The following ZNF747 variants were observed in gnomAD, a reference collection of about 807,000 sequenced individuals.
ZNF747 encodes KRAB domain-containing protein ZNF747.
In ZNF747, 14 loss-of-function variants were observed where a neutral mutation model predicts 13.4. That is an observed-to-expected ratio of 1.04 (90% CI 0.69 to 1.63). ZNF747 has a LOEUF of 1.63. ZNF747 is among the 40% of genes most tolerant of loss of function. The pLI, the probability that ZNF747 is intolerant of heterozygous loss-of-function variation, is 0.00. For missense variants in ZNF747, 532 were observed against 477.9 expected, an observed-to-expected ratio of 1.11 and a Z score of -1.05; for synonymous variants, 212 against 206.5, an observed-to-expected ratio of 1.03 and a Z score of -0.23.
At position 30,532,709 on chromosome 16, in the gene ZNF747, G is replaced by T. The variant is rs1445560189; in HGVS notation, c.786C>A (p.Gly262=). The change falls in exon 3 of 3, where the codon GGC becomes GGA. Residue 262 remains glycine (G), a synonymous_variant. Transcript: ENST00000693075. ...ALTSHLRVHT[G]EKPYRCPQCG... is the part of the protein sequence containing the mutation. ...ACTGCGGGCAGCGGTAGGGCTTCTC[G>T]CCAGTGTGAACGCGCAGGTGAGAAG... 2.6e-6 allele frequency: 4 copies of T among 1,539,172 alleles called. No individual in the cohort carries two copies. Among genetic ancestry groups the T allele is most frequent in the Middle Eastern group, 1.7e-4 (1 of 5,826 alleles).
Position 30,531,616 on chromosome 16 carries a change from C to G in ZNF747, c.*883G>C, listed in dbSNP as rs923937471. ...CAGCCTGATCAACATAGTGGGAACC[C>G]CATCTCTGCAAAAAAATTTAAAAAT... On this transcript the variant is annotated 3_prime_UTR_variant, in exon 3 of 3. Coordinates refer to ENST00000693075, the MANE Select transcript of ZNF747 (RefSeq NM_001305018.2). 1 of 151,734 alleles carries G rather than the reference C, an allele frequency of 6.6e-6. No individual in the cohort carries two copies. Among genetic ancestry groups the G allele is most frequent in the African/African-American group, 2.4e-5 (1 of 41,282 alleles). 9.4% of individuals were successfully genotyped at this position (151,734 alleles called of 1,614,324 possible).
chr16:30,534,292 G>A lies in ZNF747; in HGVS notation c.248C>T (p.Pro83Leu), dbSNP rs2051422388. The change falls in exon 2 of 3, where the codon CCG becomes CTG. Residue 83 changes from proline to leucine, a missense_variant. Coordinates refer to ENST00000693075, the MANE Select transcript of ZNF747 (RefSeq NM_001305018.2). ...CTCCTCCACCCAGGAGATGAGCGCCGGCTTGCTGCCTCCGACTCCTGGGGG... is the reference window on the plus strand; with the variant it reads ...CTCCTCCACCCAGGAGATGAGCGCCAGCTTGCTGCCTCCGACTCCTGGGGG... ...LGALGVGGSKPALISWVEEKA... is the reference protein window; with the variant it reads ...LGALGVGGSKLALISWVEEKA... The A allele has an allele frequency of 1.3e-6, 2 of 1,582,662 alleles. No homozygotes were observed. Among genetic ancestry groups the A allele is most frequent in the Non-Finnish European group, 1.7e-6 (2 of 1,165,086 alleles).
chr16:30,533,012 G>A lies in ZNF747; in HGVS notation c.483C>T (p.Ala161=). ...AAAAGCGGGGGCGACTCCGGCGCCG[G>A]GCCTTGGACAGCTGCTCCAACCCGG... ...PFAGLEQLSK[A]RRRSRPRFFA... The change falls in exon 3 of 3, where the codon GCC becomes GCT. Residue 161 remains alanine (A), a synonymous_variant. Transcript: ENST00000693075. 1.2e-6 allele frequency: 2 copies of A among 1,611,512 alleles called. No individual in the cohort carries two copies. The highest frequency in any genetic ancestry group is 1.1e-5 in the South Asian group (1 of 91,030).
At position 30,533,031 on chromosome 16, in the gene ZNF747, A is replaced by C. The variant is rs996788756; in HGVS notation, c.464T>G (p.Leu155Trp). The change falls in exon 3 of 3, where the codon TTG (leucine) becomes TGG (tryptophan). Residue 155 changes from leucine (L) to tryptophan (W), a missense_variant. By Grantham distance (61) the Leu-to-Trp change is moderately conservative. Transcript: ENST00000693075. ...LKAPQAPFAG[L>W]EQLSKARRRS... ...GCGCCGGGCCTTGGACAGCTGCTCC[A>C]ACCCGGCAAAGGGGGCTTGGGGAGC... The C allele has an allele frequency of 3.1e-6, 5 of 1,612,448 alleles. No homozygotes were observed. Among genetic ancestry groups the C allele is most frequent in the South Asian group, 1.1e-5 (1 of 91,048 alleles).
rs200157373 is a variant in ZNF747 at position 30,534,574 on chromosome 16, C to T, written c.106G>A (p.Ala36Thr). 148 of 1,604,480 alleles carry T rather than the reference C, an allele frequency of 9.2e-5. No homozygotes were observed. In the Middle Eastern group the frequency reaches 2.5e-3, roughly 27 times the overall value. Residue 36 changes from alanine to threonine, a missense_variant, in exon 1 of 3, where the codon GCC becomes ACC. Coordinates refer to ENST00000693075, the MANE Select transcript of ZNF747 (RefSeq NM_001305018.2). Reference protein sequence around the residue: ...GAGSEWRKPGAVSFADVAVYF... With the variant: ...GAGSEWRKPGTVSFADVAVYF... ...ACGGCCACGTCGGCGAAGCTCACGG[C>T]CCCGGGCTTTCTCCACTCGGATCCC...
intron 2 of ZNF747, 137 bp downstream of exon 2, chr16:30,534,060 G>A (rs1430655981): frequency 1.5e-5 from 19 of 1,286,346 alleles, no homozygotes; most frequent in Non-Finnish European, 1.9e-5. Flanking sequence ...AGCCAGGCAG[G>A]GGCTCAGCCT....
intron 2 of ZNF747, among the ~76,000 whole-genome samples, 170 bp downstream of exon 2, chr16:30,534,027 C>T (rs1425424038): frequency 1.3e-5 from 2 of 152,230 alleles, no homozygotes; most frequent in Non-Finnish European, 2.9e-5. Context: ...CCCATCACAG[C>T]CCCTTTCTAG....
In ZNF747 at chr16:30,534,666, G is replaced by A. The variant is rs777764388; in HGVS notation, c.14C>T (p.Ser5Leu). 7.7e-6 allele frequency: 12 copies of A among 1,548,634 alleles called. No homozygotes were observed. Among genetic ancestry groups the A allele is most frequent in the Non-Finnish European group, 1.7e-6 (2 of 1,152,690 alleles). Residue 5 changes from serine to leucine, a missense_variant, in exon 1 of 3, where the codon TCG (serine) becomes TTG (leucine). Ser to Leu is a moderately radical substitution (Grantham distance 145). Coordinates refer to ENST00000693075, the MANE Select transcript of ZNF747 (RefSeq NM_001305018.2). ...CGCCATGGGGACTGTCAGCCCCAGC[G>A]ACGGATCGGTCATCTCCCCTGGCCA... Reference protein sequence around the residue: MTDPSLGLTVPMAPP... With the variant: MTDPLLGLTVPMAPP...
chr16:30,534,761 G>A lies in ZNF747; in HGVS notation c.-82C>T. 5 of 1,446,638 alleles carry A rather than the reference G, an allele frequency of 3.5e-6. No homozygotes were observed. Among genetic ancestry groups the A allele is most frequent in the Non-Finnish European group, 4.5e-6 (5 of 1,104,164 alleles). 89.6% of individuals were successfully genotyped at this position (1,446,638 alleles called of 1,614,324 possible). On this transcript the variant is annotated 5_prime_UTR_variant, in exon 1 of 3. In the 5' UTR this introduces an upstream ATG that the reference lacks. Transcript: ENST00000693075. Reference sequence around the variant, plus strand: ...GCCCGGTACCAAGGGAAGGAGGGACGTCAGTAGAGCCCCCGAAGGCCCACT... The same window carrying A: ...GCCCGGTACCAAGGGAAGGAGGGACATCAGTAGAGCCCCCGAAGGCCCACT...
At position 30,532,407 on chromosome 16, in the gene ZNF747, T is replaced by C; in HGVS notation, c.*92A>G. The C allele has an allele frequency of 7.0e-7, 1 of 1,430,612 alleles. No individual in the cohort carries two copies. Among genetic ancestry groups the C allele is most frequent in the South Asian group, 1.2e-5 (1 of 80,598 alleles). The allele number at this position is 1,430,612 out of a possible 1,614,324, so 88.6% of individuals were successfully genotyped here. ...CCCCAGGCCAGCTCTTGCGGTGGAT[T>C]CTGGGACCTCCCTGCAGGCCGCTGC... On this transcript the variant is annotated 3_prime_UTR_variant, in exon 3 of 3. Coordinates refer to ENST00000693075, the MANE Select transcript of ZNF747 (RefSeq NM_001305018.2).
chr16:30,532,259 G>T lies in ZNF747; in HGVS notation c.*240C>A, dbSNP rs959642085. ...GAAACAGCTTTTGCTTCCCTGTATGGAGGTCTGGGGGGTTCTCACCTCAGC... is the reference window on the plus strand; with the variant it reads ...GAAACAGCTTTTGCTTCCCTGTATGTAGGTCTGGGGGGTTCTCACCTCAGC... On this transcript the variant is annotated 3_prime_UTR_variant, in exon 3 of 3. Coordinates refer to ENST00000693075, the MANE Select transcript of ZNF747 (RefSeq NM_001305018.2). The T allele has an allele frequency of 2.9e-5, 17 of 591,498 alleles. No individual in the cohort carries two copies. Among genetic ancestry groups the T allele is most frequent in the Non-Finnish European group, 4.8e-5 (16 of 333,398 alleles). The allele number at this position is 591,498 out of a possible 1,614,324, so 36.6% of individuals were successfully genotyped here.
At position 30,532,628 on chromosome 16, in the gene ZNF747, C is replaced by A; in HGVS notation, c.867G>T (p.Arg289=). ...GGCCCCTACGCCCCTCGCCCCCGGG[C>A]CGATGGACCCATTGGTGCTTGGCCA... ...TGMAKHQWVH[R]PGGEGRRGRR... Residue 289 remains arginine (R), a synonymous_variant, in exon 3 of 3, where the codon CGG becomes CGT. Transcript: ENST00000693075. 6.5e-7 allele frequency: 1 copy of A among 1,543,716 alleles called. No homozygotes were observed.
Position 30,533,015 on chromosome 16 carries a change from C to A in ZNF747, c.480G>T (p.Lys160Asn), listed in dbSNP as rs2051401895. The change falls in exon 3 of 3, where the codon AAG (lysine) becomes AAT (asparagine). Residue 160 changes from lysine (K) to asparagine (N), a missense_variant. Coordinates refer to ENST00000693075, the MANE Select transcript of ZNF747 (RefSeq NM_001305018.2). ...APFAGLEQLS[K>N]ARRRSRPRFF... ...AGCGGGGGCGACTCCGGCGCCGGGC[C>A]TTGGACAGCTGCTCCAACCCGGCAA... The A allele has an allele frequency of 6.2e-7, 1 of 1,611,878 alleles. No homozygotes were observed. The highest frequency in any genetic ancestry group is 1.3e-5 in the African/African-American group (1 of 75,000).
chr16:30,533,336 G>A (rs1597123316), intron 2 of ZNF747, among the ~76,000 whole-genome samples, 185 bp from the exon 3 acceptor site: 1 of 152,152 alleles, frequency 6.6e-6, no homozygotes, highest in Non-Finnish European at 1.5e-5. Flanking sequence ...TTCCGCCTCC[G>A]GGCTGGGGAA....
chr16:30,533,905 G>A (rs945215263), intron 2 of ZNF747, among the ~76,000 whole-genome samples: 9 of 152,152 alleles, frequency 5.9e-5, no homozygotes, highest in African/African-American at 2.2e-4. Flanking sequence ...CTGCACCTCA[G>A]CCTGGGCAAC....
chr16:30,534,687 G>A lies in ZNF747; in HGVS notation c.-8C>T. 2 of 1,518,424 alleles carry A rather than the reference G, an allele frequency of 1.3e-6. No individual in the cohort carries two copies. The allele number at this position is 1,518,424 out of a possible 1,614,324, so 94.1% of individuals were successfully genotyped here. A position where few individuals can be genotyped will look rare whatever the true frequency, so the allele number is the denominator to read the frequency against. On this transcript the variant is annotated 5_prime_UTR_variant, in exon 1 of 3. It introduces an in-frame stop codon into an upstream open reading frame of the 5' UTR. Coordinates refer to ENST00000693075, the MANE Select transcript of ZNF747 (RefSeq NM_001305018.2). ...CAGCGACGGATCGGTCATCTCCCCT[G>A]GCCAGGCCTGGGCATGCGGAACCTC...
At position 30,532,992 on chromosome 16, in the gene ZNF747, C is replaced by G; in HGVS notation, c.503G>C (p.Arg168Pro). The change falls in exon 3 of 3, where the codon CGC (arginine) becomes CCC (proline). Residue 168 changes from arginine (R) to proline (P), a missense_variant. By Grantham distance (103) the Arg-to-Pro change is moderately radical (BLOSUM62 -2). Transcript: ENST00000693075. ...GGGGACAGGGGGGTGGGCAAAAAAGCGGGGGCGACTCCGGCGCCGGGCCTT... is the reference window on the plus strand; with the variant it reads ...GGGGACAGGGGGGTGGGCAAAAAAGGGGGGGCGACTCCGGCGCCGGGCCTT... ...LSKARRRSRP[R>P]FFAHPPVPRA... 1.2e-6 allele frequency: 2 copies of G among 1,607,648 alleles called. No homozygotes were observed. Among genetic ancestry groups the G allele is most frequent in the South Asian group, 2.2e-5 (2 of 90,866 alleles).
intron 2 of ZNF747, among the ~76,000 whole-genome samples, chr16:30,533,856 C>T (rs1225026867): frequency 1.3e-5 from 2 of 151,872 alleles, no homozygotes; most frequent in Admixed American, 6.6e-5. Flanking sequence ...ATTGCTTGAG[C>T]CCGGGAGTTC....
Position 30,534,759 on chromosome 16 carries a change from A to C in ZNF747, c.-80T>G. The C allele has an allele frequency of 6.9e-7, 1 of 1,446,304 alleles. No individual in the cohort carries two copies. The highest frequency in any genetic ancestry group is 9.1e-7 in the Non-Finnish European group (1 of 1,104,328). The allele number at this position is 1,446,304 out of a possible 1,614,324, so 89.6% of individuals were successfully genotyped here. A position where few individuals can be genotyped will look rare whatever the true frequency, so the allele number is the denominator to read the frequency against. ...CGGCCCGGTACCAAGGGAAGGAGGG[A>C]CGTCAGTAGAGCCCCCGAAGGCCCA... On this transcript the variant is annotated 5_prime_UTR_variant, in exon 1 of 3. Coordinates refer to ENST00000693075, the MANE Select transcript of ZNF747 (RefSeq NM_001305018.2).
Sources: allele counts gnomAD v4.1 joint callset (sites outside exome capture counted in the v4.1 genomes callset), GRCh38; gene constraint gnomAD v4.1.1; transcripts MANE v1.5; gene names NCBI Gene and HGNC (gene_info 2026-07-23, HGNC 2026-07-21).